Variants in ANKFY1 observed in about 807,000 individuals in gnomAD.
ANKFY1 encodes the protein ankyrin repeat and FYVE domain containing 1.
In ANKFY1, 47 loss-of-function variants were observed where a neutral mutation model predicts 128.3. That is an observed-to-expected ratio of 0.37 (90% confidence interval 0.29 to 0.47). The LOEUF (loss-of-function observed/expected upper bound fraction) is 0.47, where lower values mean the gene tolerates loss of function less well. Among genes scored for constraint, ANKFY1 ranks in the 20% least tolerant of loss-of-function variants. ANKFY1 has a pLI of 1.00. For missense variants in ANKFY1, 1,222 were observed against 1,510.6 expected, an observed-to-expected ratio of 0.81 and a Z score of 3.17; for synonymous variants, 553 against 601.6, an observed-to-expected ratio of 0.92 and a Z score of 1.18.
Position 4,179,878 on chromosome 17 carries a change from C to T in ANKFY1, c.2241-1G>A. The T allele has an allele frequency of 6.2e-7, 1 of 1,614,094 alleles. No individual in the cohort carries two copies. Among genetic ancestry groups the T allele is most frequent in the Non-Finnish European group, 8.5e-7 (1 of 1,180,028 alleles). On this transcript the variant is annotated splice_acceptor_variant, in intron 16 of 24. Coordinates refer to ENST00000341657, the MANE Select transcript of ANKFY1 (RefSeq NM_001330063.2). LOFTEE classifies it high-confidence loss of function. ...TCTGGGACTGTTCACGTCACAGCCA[C>T]TGAAAGGAATGGGGACATTTTAAAA...
chr17:4,202,338 T>C (rs1208221278), intron 7 of ANKFY1, among the ~76,000 whole-genome samples: 6 of 145,164 alleles, frequency 4.1e-5, no homozygotes, highest in African/African-American at 7.7e-5. Context: ...GAGGCGGAGG[T>C]TGCAGTGAGC....
rs1188826573 is a variant in ANKFY1, at chr17:4,169,139, G to A, written c.3377+59C>T. The A allele has an allele frequency of 1.4e-6, 2 of 1,461,010 alleles. No individual in the cohort carries two copies. Among genetic ancestry groups the A allele is most frequent in the Non-Finnish European group, 1.9e-6 (2 of 1,066,422 alleles). The allele number at this position is 1,461,010 out of a possible 1,614,324, so 90.5% of individuals were successfully genotyped here. On this transcript the variant is annotated intron_variant, in intron 24 of 24. Transcript: ENST00000341657. The surrounding 1 kb of genome is among the most constrained non-coding windows in gnomAD (Gnocchi z 5.0). The stretch of plus-strand genomic sequence containing the variant: ...TTCACGGCCTGTCCTGGAGAAGGGG[G>A]GAAGCAATGACATCAGCGGCAGTCC...
intron 1 of ANKFY1, among the ~76,000 whole-genome samples, chr17:4,244,776 C>G (rs1217232731): frequency 6.6e-6 from 1 of 152,138 alleles, no homozygotes; most frequent in Non-Finnish European, 1.5e-5. Flanking sequence ...TCGCTCTCCT[C>G]GATCCTCAGG....
At chr17:4,198,404 C>T (rs905285478) in intron 7 of ANKFY1, among the ~76,000 whole-genome samples, 1 of 150,598 alleles carries the variant, frequency 6.6e-6, no homozygotes, top group African/African-American at 2.4e-5. Context: ...CAGAGCCTTG[C>T]TCTGTCACCC....
intron 17 of ANKFY1, 151 bp downstream of exon 17, chr17:4,179,570 A>G: frequency 2.0e-6 from 2 of 993,700 alleles, no homozygotes; most frequent in Admixed American, 4.8e-5. Flanking sequence ...AAGCACAGTC[A>G]GCCTGAAATC....
chr17:4,174,059 G>T lies in ANKFY1; in HGVS notation c.2776-3C>A. The T allele has an allele frequency of 6.2e-7, 1 of 1,613,734 alleles. No individual in the cohort carries two copies. The highest frequency in any genetic ancestry group is 1.1e-5 in the South Asian group (1 of 91,042). On this transcript the variant is annotated splice_region_variant and splice_polypyrimidine_tract_variant and intron_variant, in intron 19 of 24. Coordinates refer to ENST00000341657, the MANE Select transcript of ANKFY1 (RefSeq NM_001330063.2). ...TTCACTTTGGCTCCCGCAAGAAGCTGTTGAAGTTCATTACATGAACAGTCA... is the reference window on the plus strand; with the variant it reads ...TTCACTTTGGCTCCCGCAAGAAGCTTTTGAAGTTCATTACATGAACAGTCA...
intron 11 of ANKFY1, chr17:4,188,248 T>TG (rs1286219237): frequency 2.0e-5 from 3 of 152,448 alleles, no homozygotes; most frequent in African/African-American, 7.2e-5. Context: ...TCACTCTGGC[T>TG]GGAGAGTTGG....
intron 3 of ANKFY1, among the ~76,000 whole-genome samples, chr17:4,224,471 A>G (rs1233411536): frequency 6.6e-6 from 1 of 150,806 alleles, no homozygotes; most frequent in Non-Finnish European, 1.5e-5. Flanking sequence ...TTTTATCACT[A>G]CTCTTGGAAA....
rs2059210928 is a variant in ANKFY1, at chr17:4,166,375, G to A, written c.*1404C>T. The A allele has an allele frequency of 6.5e-6, 1 of 152,772 alleles. No individual in the cohort carries two copies. The highest frequency in any genetic ancestry group is 2.1e-4 in the South Asian group (1 of 4,832). The allele number at this position is 152,772 out of a possible 1,614,324, so 9.5% of individuals were successfully genotyped here. ...AATGTCTGAAAGAATCAGTATGTAT[G>A]ATTGAGATTGTTAATCTCTGAGTAT... On this transcript the variant is annotated 3_prime_UTR_variant, in exon 25 of 25. Transcript: ENST00000341657.
At chr17:4,238,346 G>A (rs1967019236) in intron 2 of ANKFY1, among the ~76,000 whole-genome samples, 1 of 152,030 alleles carries the variant, frequency 6.6e-6, no homozygotes, top group African/African-American at 2.4e-5. Context: ...GTCTGCTTTA[G>A]AAACTGATTC....
intron 3 of ANKFY1, among the ~76,000 whole-genome samples, chr17:4,219,568 C>T (rs2060275050): frequency 6.6e-6 from 1 of 152,136 alleles, no homozygotes; most frequent in Non-Finnish European, 1.5e-5. Context: ...GGAATTGGCT[C>T]ATTAGCTCTG....
chr17:4,223,018 T>C, intron 3 of ANKFY1: 1 of 793,876 alleles, frequency 1.3e-6, no homozygotes, highest in Non-Finnish European at 2.2e-6. Flanking sequence ...AGGGACAGGA[T>C]AACTCTAATA....
At chr17:4,213,462 T>G (rs1483070709) in intron 4 of ANKFY1, among the ~76,000 whole-genome samples, 1 of 152,188 alleles carries the variant, frequency 6.6e-6, no homozygotes, top group East Asian at 1.9e-4. Flanking sequence ...CCCAGGGCAC[T>G]TTAAAAATCA....
chr17:4,255,726 A>G (rs1435889430), intron 1 of ANKFY1, among the ~76,000 whole-genome samples: 2 of 152,220 alleles, frequency 1.3e-5, no homozygotes, highest in African/African-American at 2.4e-5. Flanking sequence ...ATATTTCATT[A>G]AAGTGTCAGC....
At chr17:4,238,635 C>T (rs8074900) in intron 2 of ANKFY1, among the ~76,000 whole-genome samples, 2 of 151,372 alleles carry the variant, frequency 1.3e-5, no homozygotes, top group Non-Finnish European at 2.9e-5. Flanking sequence ...CACCACGCTC[C>T]GCCTATTTTT....
intron 24 of ANKFY1, among the ~76,000 whole-genome samples, chr17:4,168,495 T>C (rs1421356130): frequency 3.9e-5 from 6 of 152,154 alleles, no homozygotes; most frequent in Non-Finnish European, 7.3e-5. Flanking sequence ...TCTTTTTTTT[T>C]CCTTTTTTCT....
chr17:4,203,666 T>G (rs1282102068), intron 7 of ANKFY1, among the ~76,000 whole-genome samples: 2 of 151,238 alleles, frequency 1.3e-5, no homozygotes, highest in African/African-American at 4.9e-5. Flanking sequence ...AAATACAAAA[T>G]TAGCCGGGCG....
In ANKFY1 at chr17:4,169,862, G is replaced by T. The variant is rs1398862167; in HGVS notation, c.3287-574C>A. On this transcript the variant is annotated intron_variant, in intron 23 of 24. Transcript: ENST00000341657. The surrounding 1 kb of genome is among the most constrained non-coding windows in gnomAD (Gnocchi z 5.0). ...TGCAGACAGGAATGACAATCACTTG[G>T]ATTTACTGGCTGAACTCTCACTCTA... is the stretch of plus-strand genomic sequence containing the variant. 6.6e-6 allele frequency among the ~76,000 whole-genome samples: 1 copy of T among 152,172 alleles called. No individual in the cohort carries two copies. Among genetic ancestry groups the T allele is most frequent in the African/African-American group, 2.4e-5 (1 of 41,426 alleles).
chr17:4,221,710 C>T (rs113872868), intron 3 of ANKFY1, among the ~76,000 whole-genome samples: 8,232 of 152,184 alleles, frequency 0.054, 496 homozygotes, highest in African/African-American at 0.15. Flanking sequence ...CCTCCATCTC[C>T]CAATTCAAGC....
Sources: gnomAD v4.1 joint callset for allele counts (sites outside exome capture counted in the v4.1 genomes callset) on GRCh38, gnomAD v4.1.1 for gene constraint, Gnocchi (gnomAD v3.1) non-coding constraint, MANE v1.5 for transcripts, NCBI Gene and HGNC (gene_info 2026-07-23, HGNC 2026-07-21) for gene names.